The following TOPAZ1 variants were observed in gnomAD, a reference collection of about 807,000 sequenced individuals.
TOPAZ1 encodes protein TOPAZ1.
TOPAZ1 carries 66 observed loss-of-function variants against 172.2 expected under a neutral mutation model. The ratio of observed to expected loss-of-function variants is 0.38; its 90% CI spans 0.31 to 0.47. The LOEUF is 0.47. Ranked by LOEUF, TOPAZ1 falls within the 20% of genes least tolerant of loss-of-function variation. The pLI is 0.99. For synonymous variants in TOPAZ1, 681 were observed against 683.9 expected, an observed-to-expected ratio of 1.00 and a Z score of 0.07; for missense variants, 1,822 against 1,972.4, an observed-to-expected ratio of 0.92 and a Z score of 1.44.
At chr3:44,270,284 G>A (rs143480158) in intron 7 of TOPAZ1, among the ~76,000 whole-genome samples, 40 of 152,258 alleles carry the variant, frequency 2.6e-4, no homozygotes, top group African/African-American at 8.2e-4. Flanking sequence ...AGACAGGTAC[G>A]TGAAAGGGAA....
chr3:44,244,654 A>T lies in TOPAZ1; in HGVS notation c.2148A>T (p.Glu716Asp). 1.3e-6 allele frequency: 2 copies of T among 1,551,382 alleles called. No individual in the cohort carries two copies. Among genetic ancestry groups the T allele is most frequent in the Non-Finnish European group, 1.7e-6 (2 of 1,146,972 alleles). ...AGAGAGAAGCTTACAGTCCTCTAGA[A>T]CTTCTGGACAATTTATCTGGAGCAG... ...SSEREAYSPL[E>D]LLDNLSGADV... Residue 716 changes from glutamate (E) to aspartate (D), a missense_variant, in exon 2 of 20, where the codon GAA (glutamate) becomes GAT (aspartate). This residue lies in a region of TOPAZ1 where 1,489 missense variants were observed against 1,490.8 expected (regional missense o/e 1.00). Transcript: ENST00000309765.
intron 18 of TOPAZ1, among the ~76,000 whole-genome samples, chr3:44,326,845 G>A (rs868543633): frequency 1.3e-5 from 2 of 151,194 alleles, no homozygotes; most frequent in Admixed American, 6.6e-5. Context: ...TTCTTCTCAC[G>A]TTTCATTTTG....
At chr3:44,322,588 C>T (rs1041470186) in intron 17 of TOPAZ1, among the ~76,000 whole-genome samples, 3 of 152,084 alleles carry the variant, frequency 2.0e-5, no homozygotes, top group African/African-American at 7.2e-5. Flanking sequence ...ATAGGTTGGG[C>T]GCGGTGGCTC....
At position 44,309,872 on chromosome 3, in the gene TOPAZ1, A is replaced by T. The variant is rs1471263801; in HGVS notation, c.4188A>T (p.Thr1396=). The change falls in exon 16 of 20, where the codon ACA becomes ACT. Residue 1396 remains threonine (T), a synonymous_variant. Coordinates refer to ENST00000309765, the MANE Select transcript of TOPAZ1 (RefSeq NM_001145030.2). The part of the protein sequence containing the change: ...EKLYELKIHF[T]SLKGLIGPEK... ...TATATGAATTAAAAATACACTTTAC[A>T]AGTTTAAAAGGACTTATAGGGCCTG... is the stretch of plus-strand genomic sequence containing the variant. The T allele has an allele frequency of 6.5e-7, 1 of 1,545,118 alleles. No homozygotes were observed. The highest frequency in any genetic ancestry group is 1.4e-5 in the African/African-American group (1 of 72,746).
At chr3:44,304,115 G>T in intron 13 of TOPAZ1, 34 bp downstream of exon 13, 1 of 1,274,684 alleles carries the variant, frequency 7.8e-7, no homozygotes, top group South Asian at 1.5e-5. Flanking sequence ...ACATTGCTGG[G>T]ATCTCTGAAA....
At chr3:44,310,365 G>A (rs1190114472) in intron 16 of TOPAZ1, among the ~76,000 whole-genome samples, 9 of 152,116 alleles carry the variant, frequency 5.9e-5, no homozygotes, top group African/African-American at 2.2e-4. Flanking sequence ...CAGGCATGGT[G>A]GTGGCCGCTT....
intron 16 of TOPAZ1, among the ~76,000 whole-genome samples, chr3:44,312,653 A>G (rs1312642179): frequency 6.6e-6 from 1 of 152,164 alleles, no homozygotes; most frequent in Non-Finnish European, 1.5e-5. Context: ...TTATCCTGCA[A>G]ATGAGCAACA....
intron 5 of TOPAZ1, 104 bp downstream of exon 5, chr3:44,262,587 T>A: frequency 1.8e-6 from 1 of 559,348 alleles, no homozygotes; most frequent in East Asian, 3.3e-5. Flanking sequence ...TTGGGCTATA[T>A]GCCATAAGCC....
intron 8 of TOPAZ1, among the ~76,000 whole-genome samples, chr3:44,278,575 T>A (rs533164141): frequency 6.6e-6 from 1 of 152,230 alleles, no homozygotes; most frequent in South Asian, 2.1e-4. Context: ...CAGTAGGCTG[T>A]ATGTGTCCAG....
chr3:44,326,933 A>G (rs936769017), intron 18 of TOPAZ1, among the ~76,000 whole-genome samples: 3 of 152,238 alleles, frequency 2.0e-5, no homozygotes, highest in Admixed American at 6.5e-5. Flanking sequence ...AAGAAAAGTT[A>G]AATAAGAATG....
intron 1 of TOPAZ1, among the ~76,000 whole-genome samples, chr3:44,242,624 G>GTA (rs1416484647): frequency 1.3e-5 from 2 of 152,164 alleles, no homozygotes; most frequent in Non-Finnish European, 2.9e-5. Flanking sequence ...ATTTTGGCTA[G>GTA]TATGAGATGA....
chr3:44,270,384 T>G (rs930737191), intron 7 of TOPAZ1, among the ~76,000 whole-genome samples: 6 of 152,140 alleles, frequency 3.9e-5, no homozygotes, highest in African/African-American at 1.4e-4. Flanking sequence ...TCTGTGAACC[T>G]GTACCTGCTC....
rs1273875389 is a variant in TOPAZ1 at position 44,244,030 on chromosome 3, A to G, written c.1524A>G (p.Lys508=). ...CTAGAATATCTGCCTGGTGTTGGAA[A>G]AAGGCTTCCTTGCCAGAATCAAGTT... ...SCARISAWCW[K]KASLPESSYF... is the part of the protein sequence containing the mutation. Residue 508 remains lysine (K), a synonymous_variant, in exon 2 of 20, where the codon AAA becomes AAG. Coordinates refer to ENST00000309765, the MANE Select transcript of TOPAZ1 (RefSeq NM_001145030.2). 6 of 1,551,840 alleles carry G rather than the reference A, an allele frequency of 3.9e-6. No individual in the cohort carries two copies. The highest frequency in any genetic ancestry group is 1.4e-5 in the African/African-American group (1 of 73,048).
intron 2 of TOPAZ1, among the ~76,000 whole-genome samples, chr3:44,250,604 A>G (rs553220839): frequency 6.6e-6 from 1 of 152,174 alleles, no homozygotes; most frequent in Non-Finnish European, 1.5e-5. Context: ...TCTGAACTCA[A>G]GGCAACCTGC....
Position 44,245,278 on chromosome 3 carries a change from A to G in TOPAZ1, c.2765+7A>G. 2.0e-6 allele frequency: 3 copies of G among 1,515,528 alleles called. No homozygotes were observed. Among genetic ancestry groups the G allele is most frequent in the Non-Finnish European group, 8.8e-7 (1 of 1,132,826 alleles). The allele number at this position is 1,515,528 out of a possible 1,614,324, so 93.9% of individuals were successfully genotyped here. ...AACCAAGTGATGACTTAAGGTATGCATGTTCAAGTATTCCTTTTAGTGCAG... is the reference window on the plus strand; with the variant it reads ...AACCAAGTGATGACTTAAGGTATGCGTGTTCAAGTATTCCTTTTAGTGCAG... On this transcript the variant is annotated splice_region_variant and intron_variant, in intron 2 of 19. Coordinates refer to ENST00000309765, the MANE Select transcript of TOPAZ1 (RefSeq NM_001145030.2).
intron 12 of TOPAZ1, among the ~76,000 whole-genome samples, chr3:44,294,495 AATT>A (rs1468712863): frequency 6.6e-6 from 1 of 152,020 alleles, no homozygotes; most frequent in Non-Finnish European, 1.5e-5. Flanking sequence ...TGCACTAGGC[AATT>A]ATTTTTTTTT....
chr3:44,277,518 T>C (rs1441331845), intron 8 of TOPAZ1, among the ~76,000 whole-genome samples: 1 of 152,194 alleles, frequency 6.6e-6, no homozygotes, highest in African/African-American at 2.4e-5. Flanking sequence ...GGACTTCTGG[T>C]ACTATGTTGA....
intron 17 of TOPAZ1, among the ~76,000 whole-genome samples, chr3:44,321,403 C>T (rs1700505158): frequency 6.6e-6 from 1 of 152,188 alleles, no homozygotes; most frequent in Admixed American, 6.5e-5. Flanking sequence ...GGTTGTTTGT[C>T]AGCAGTTCCT....
intron 9 of TOPAZ1, among the ~76,000 whole-genome samples, chr3:44,285,359 G>A (rs1297075957): frequency 6.6e-6 from 1 of 151,936 alleles, no homozygotes; most frequent in Non-Finnish European, 1.5e-5. Context: ...CCAACTGCTT[G>A]GGAGGCTGAG....
Sources: gnomAD v4.1 joint callset for allele counts (sites outside exome capture counted in the v4.1 genomes callset) on GRCh38, gnomAD v4.1.1 for gene constraint, gnomAD v4.1.1 regional missense constraint, MANE v1.5 for transcripts, NCBI Gene and HGNC (gene_info 2026-07-23, HGNC 2026-07-21) for gene names.